The following HYCC1 variants were observed in gnomAD, a reference collection of about 807,000 sequenced individuals.
HYCC1 encodes the protein hyccin PI4KA lipid kinase complex subunit 1.
the HYCC1 span, among the ~76,000 whole-genome samples, chr7:23,000,791 C>G: frequency 2.0e-5 from 3 of 151,974 alleles, no homozygotes; most frequent in African/African-American, 4.8e-5. Flanking sequence ...AGAAGGCAAC[C>G]ACCATGCTAC....
chr7:22,985,396 G>A, the HYCC1 span, among the ~76,000 whole-genome samples: 1 of 152,134 alleles, frequency 6.6e-6, no homozygotes, highest in East Asian at 1.9e-4. Context: ...GCAAATCTTT[G>A]CTGAGGGAAC....
At chr7:22,941,388 T>C in the HYCC1 span, 3 of 152,124 alleles carry the variant, frequency 2.0e-5, no homozygotes, top group African/African-American at 7.2e-5. Context: ...TCCATAGCCT[T>C]AAGAAGGTAG....
the HYCC1 span, among the ~76,000 whole-genome samples, chr7:22,953,289 C>T: frequency 2.0e-5 from 3 of 151,874 alleles, no homozygotes; most frequent in Admixed American, 1.3e-4. Context: ...CTTATTTCTT[C>T]CTTGGTGTGC....
At chr7:22,906,687 A>C in the HYCC1 span, among the ~76,000 whole-genome samples, 1 of 152,178 alleles carries the variant, frequency 6.6e-6, no homozygotes, top group Non-Finnish European at 1.5e-5. Flanking sequence ...AATATGTAAT[A>C]TAGTACTAAT....
At chr7:22,955,929 C>G in the HYCC1 span, among the ~76,000 whole-genome samples, 1 of 151,434 alleles carries the variant, frequency 6.6e-6, no homozygotes, top group African/African-American at 2.4e-5. Flanking sequence ...CCTTTAACTT[C>G]TTTTTATTTT....
the HYCC1 span, chr7:22,961,131 G>A: frequency 1.4e-6 from 1 of 732,468 alleles, no homozygotes; most frequent in Non-Finnish European, 2.5e-6. Context: ...TGAATACACT[G>A]AGTATTAATG....
chr7:22,976,109 AACAAATGATTAC>A, the HYCC1 span: 4 of 803,608 alleles, frequency 5.0e-6, no homozygotes, highest in South Asian at 5.7e-5. Context: ...TAATGTTTTA[AACAAATGATTAC>A]ACAAAACAAA....
the HYCC1 span, among the ~76,000 whole-genome samples, chr7:22,907,104 C>CAAAA: frequency 2.3e-4 from 10 of 43,548 alleles, 1 homozygote; most frequent in African/African-American, 3.0e-4. Context: ...GACTCTATCT[C>CAAAA]AAAAAAAAAA....
the HYCC1 span, chr7:22,947,004 T>G: frequency 4.5e-6 from 7 of 1,549,460 alleles, no homozygotes; most frequent in Non-Finnish European, 4.4e-6. Flanking sequence ...GCCAGGTGAG[T>G]TTATTCCATC....
the HYCC1 span, among the ~76,000 whole-genome samples, chr7:22,917,325 G>A: frequency 8.5e-5 from 13 of 152,120 alleles, no homozygotes; most frequent in South Asian, 4.1e-4. Flanking sequence ...CAGGTTACAC[G>A]CTGCTAGCCC....
the HYCC1 span, among the ~76,000 whole-genome samples, chr7:22,987,517 C>T: frequency 2.0e-5 from 3 of 152,172 alleles, no homozygotes; most frequent in South Asian, 6.2e-4. Flanking sequence ...CACTGCACTC[C>T]AGCTTGGGTG....
chr7:22,973,618 A>G, the HYCC1 span, among the ~76,000 whole-genome samples: 2 of 152,164 alleles, frequency 1.3e-5, no homozygotes, highest in Non-Finnish European at 2.9e-5. Context: ...GGACATTTAC[A>G]TGAAATTAAT....
chr7:22,900,211 A>C, the HYCC1 span, among the ~76,000 whole-genome samples: 1 of 152,252 alleles, frequency 6.6e-6, no homozygotes, highest in Non-Finnish European at 1.5e-5. Context: ...AAATAACAAC[A>C]ACAAAAAAAA....
chr7:22,974,142 C>T, the HYCC1 span, among the ~76,000 whole-genome samples: 28 of 152,232 alleles, frequency 1.8e-4, no homozygotes, highest in African/African-American at 6.3e-4. Context: ...AATGTTGGTC[C>T]TTATACCCAT....
the HYCC1 span, among the ~76,000 whole-genome samples, chr7:22,932,757 T>C: frequency 6.6e-6 from 1 of 152,150 alleles, no homozygotes; most frequent in African/African-American, 2.4e-5. Flanking sequence ...AATGTGAATT[T>C]TGGGGAGTCA....
chr7:23,004,630 T>C, the HYCC1 span, among the ~76,000 whole-genome samples: 3 of 152,224 alleles, frequency 2.0e-5, no homozygotes, highest in South Asian at 2.1e-4. Flanking sequence ...CCCATCATTA[T>C]CATGGGTAAA....
At chr7:22,928,342 T>G in the HYCC1 span, among the ~76,000 whole-genome samples, 1 of 152,056 alleles carries the variant, frequency 6.6e-6, no homozygotes, top group Admixed American at 6.6e-5. Context: ...CCAGGGCAAT[T>G]AGGCAGGAGA....
the HYCC1 span, among the ~76,000 whole-genome samples, chr7:22,924,963 G>T: frequency 1.3e-5 from 2 of 152,160 alleles, no homozygotes; most frequent in Non-Finnish European, 2.9e-5. Context: ...TCACACAGCC[G>T]GGTACTCCTC....
At chr7:22,908,742 G>C in the HYCC1 span, among the ~76,000 whole-genome samples, 38,237 of 152,094 alleles carry the variant, frequency 0.25, 4,982 homozygotes, top group East Asian at 0.48. Context: ...AAGGTCATCT[G>C]TAAGCCCTTG....
Sources: gnomAD v4.1 joint callset for allele counts (sites outside exome capture counted in the v4.1 genomes callset) on GRCh38, gnomAD v4.1.1 for gene constraint, MANE v1.5 for transcripts, NCBI Gene and HGNC (gene_info 2026-07-23, HGNC 2026-07-21) for gene names.